The following FRAS1 variants were observed in gnomAD, a reference collection of about 807,000 sequenced individuals.
FRAS1 encodes the protein extracellular matrix organizing protein FRAS1.
In FRAS1, 290 loss-of-function variants were observed where a neutral mutation model predicts 435.2. The ratio of observed to expected loss-of-function variants is 0.67; its 90% CI spans 0.61 to 0.73. The LOEUF is 0.73. Ranked by LOEUF, FRAS1 falls within the 30% of genes least tolerant of loss-of-function variation. FRAS1 has a pLI of 0.00. For missense variants in FRAS1, 4,860 were observed against 5,001.5 expected (o/e 0.97, Z 0.85); for synonymous variants, 1,800 against 1,851.0 (o/e 0.97, Z 0.71).
At chr4:78,156,172 CT>C (rs1304045408) in intron 2 of FRAS1, among the ~76,000 whole-genome samples, 7 of 152,118 alleles carry the variant, frequency 4.6e-5, no homozygotes, top group Non-Finnish European at 7.4e-5. Context: ...GCAAGACTCT[CT>C]TTTTGTAAGG....
chr4:78,167,178 A>G (rs1215241805), intron 2 of FRAS1, among the ~76,000 whole-genome samples: 2 of 152,198 alleles, frequency 1.3e-5, no homozygotes, highest in Non-Finnish European at 2.9e-5. Flanking sequence ...TCTTTTCTGT[A>G]CACAGCCATT....
Position 78,508,956 on chromosome 4 carries a change from C to T in FRAS1, c.9730C>T (p.Pro3244Ser), listed in dbSNP as rs751844736. The change falls in exon 63 of 74, where the codon CCC (proline) becomes TCC (serine). Residue 3244 changes from proline to serine, a missense_variant. Transcript: ENST00000512123. The part of the protein sequence containing the change: ...APTDGNGARS[P>S]FETITDNTPF... Reference sequence around the variant, plus strand: ...CACTGATGGCAATGGGGCCCGGTCTCCCTTTGAAACCATCACTGACAACAC... The same window carrying T: ...CACTGATGGCAATGGGGCCCGGTCTTCCTTTGAAACCATCACTGACAACAC... The T allele has an allele frequency of 1.9e-6, 3 of 1,614,010 alleles. No homozygotes were observed. Among genetic ancestry groups the T allele is most frequent in the East Asian group, 2.2e-5 (1 of 44,882 alleles).
At chr4:78,282,082 T>C (rs1578226287) in intron 11 of FRAS1, among the ~76,000 whole-genome samples, 1 of 152,220 alleles carries the variant, frequency 6.6e-6, no homozygotes, top group East Asian at 1.9e-4. Flanking sequence ...AATAAGCGTT[T>C]TATAAAATTG....
At chr4:78,460,370 C>A (rs112620812) in intron 47 of FRAS1, among the ~76,000 whole-genome samples, 10 of 152,290 alleles carry the variant, frequency 6.6e-5, no homozygotes, top group Middle Eastern at 3.4e-3. Flanking sequence ...TTGAAAACAC[C>A]TTCAATGGGA....
intron 30 of FRAS1, among the ~76,000 whole-genome samples, chr4:78,405,387 G>A (rs1444735542): frequency 1.5e-5 from 2 of 132,226 alleles, no homozygotes; most frequent in African/African-American, 3.2e-5. Flanking sequence ...AGTTGAACCA[G>A]GGAGAGAAAG....
chr4:78,423,565 TATG>T (rs1276622772), intron 34 of FRAS1, among the ~76,000 whole-genome samples: 1 of 152,248 alleles, frequency 6.6e-6, no homozygotes, highest in African/African-American at 2.4e-5. Context: ...GGTGATTTCT[TATG>T]GTGAGTTGAA....
chr4:78,089,523 A>T (rs1175949880), intron 2 of FRAS1, among the ~76,000 whole-genome samples: 1 of 152,124 alleles, frequency 6.6e-6, no homozygotes, highest in Admixed American at 6.6e-5. Flanking sequence ...GTTACATGTG[A>T]ATCATTTATT....
In FRAS1 at chr4:78,245,328, A is replaced by G; in HGVS notation, c.309+3A>G. ...ATCATGAAAAGAAAATCCATGAGGT[A>G]AGTGTTTTCTGACTCACGGTTGATT... On this transcript the variant is annotated splice_donor_region_variant and intron_variant, in intron 4 of 73. Transcript: ENST00000512123. The G allele has an allele frequency of 6.3e-7, 1 of 1,585,104 alleles. No homozygotes were observed. Among genetic ancestry groups the G allele is most frequent in the Middle Eastern group, 1.7e-4 (1 of 6,022 alleles).
At position 78,453,036 on chromosome 4, in the gene FRAS1, A is replaced by G. The variant is rs527867422; in HGVS notation, c.6763+682A>G. ...TTCCAGAGATGGGAGGCACATTCAA[A>G]AAACAACAATTAGGTCAATTTAACT... On this transcript the variant is annotated intron_variant, in intron 47 of 73. Transcript: ENST00000512123. Among the ~76,000 whole-genome samples, 3 of 150,778 alleles carry G rather than the reference A, an allele frequency of 2.0e-5. No homozygotes were observed. The South Asian group carries it at 6.2e-4, about 31-fold the overall frequency.
At chr4:78,507,696 T>G (rs1232130688) in intron 62 of FRAS1, 88 bp downstream of exon 62, 29 of 1,307,434 alleles carry the variant, frequency 2.2e-5, no homozygotes, top group Non-Finnish European at 3.0e-5. Context: ...TTCTTTATTC[T>G]TCTAACCCAG....
At chr4:78,370,736 G>A (rs544391812) in intron 23 of FRAS1, among the ~76,000 whole-genome samples, 2 of 152,292 alleles carry the variant, frequency 1.3e-5, no homozygotes, top group African/African-American at 2.4e-5. Context: ...AAATTTATAA[G>A]GAGATAATGT....
chr4:78,254,754 GT>G (rs5859611), intron 5 of FRAS1, among the ~76,000 whole-genome samples: 46,272 of 151,930 alleles, frequency 0.3, 7,398 homozygotes, highest in East Asian at 0.38. Flanking sequence ...CTTTTTTGTT[GT>G]TTTTTTGTTT....
chr4:78,334,958 C>CA (rs1730113052), intron 19 of FRAS1, among the ~76,000 whole-genome samples: 1 of 151,954 alleles, frequency 6.6e-6, no homozygotes, highest in African/African-American at 2.4e-5. Flanking sequence ...GACAGGGTCT[C>CA]ACCTTGTTAT....
chr4:78,400,585 C>A, intron 29 of FRAS1, 149 bp from the exon 30 acceptor site: 1 of 667,462 alleles, frequency 1.5e-6, no homozygotes. Context: ...ACACATAATA[C>A]AAAGTCTATA....
At chr4:78,198,195 G>A (rs1342593889) in intron 2 of FRAS1, among the ~76,000 whole-genome samples, 1 of 152,144 alleles carries the variant, frequency 6.6e-6, no homozygotes, top group African/African-American at 2.4e-5. Flanking sequence ...CTGGCCAGTG[G>A]GCAAGGATGG....
chr4:78,065,172 G>GTA (rs898202440), intron 1 of FRAS1, among the ~76,000 whole-genome samples: 3 of 142,810 alleles, frequency 2.1e-5, no homozygotes, highest in Admixed American at 7.1e-5. Flanking sequence ...GGGTATATAT[G>GTA]TATATATATG....
chr4:78,141,271 G>A (rs976468815), intron 2 of FRAS1, among the ~76,000 whole-genome samples: 1 of 151,800 alleles, frequency 6.6e-6, no homozygotes, highest in African/African-American at 2.4e-5. Flanking sequence ...GTTCAACTTT[G>A]GCTTATTACT....
In FRAS1 at chr4:78,473,635, A is replaced by G. The variant is rs767601197; in HGVS notation, c.7682+38A>G. Reference sequence around the variant, plus strand: ...CTGTGCTTTCCTTCTTGAGAAATCAATCAGGCAAGCAGAGGGAGTCAGGAT... The same window carrying G: ...CTGTGCTTTCCTTCTTGAGAAATCAGTCAGGCAAGCAGAGGGAGTCAGGAT... On this transcript the variant is annotated intron_variant, in intron 53 of 73. Transcript: ENST00000512123. 4.6e-6 allele frequency: 7 copies of G among 1,522,230 alleles called. No individual in the cohort carries two copies. In the East Asian group the frequency reaches 9.3e-5, roughly 20 times the overall value. The allele number at this position is 1,522,230 out of a possible 1,614,324, so 94.3% of individuals were successfully genotyped here. A position where few individuals can be genotyped will look rare whatever the true frequency, so the allele number is the denominator to read the frequency against.
chr4:78,159,865 A>G (rs185850055), intron 2 of FRAS1, among the ~76,000 whole-genome samples: 4 of 152,336 alleles, frequency 2.6e-5, no homozygotes, highest in Admixed American at 1.3e-4. Context: ...TGGGTGACAG[A>G]GTGAGACTCC....
Sources: allele counts gnomAD v4.1 joint callset (sites outside exome capture counted in the v4.1 genomes callset), GRCh38; gene constraint gnomAD v4.1.1; transcripts MANE v1.5; gene names NCBI Gene and HGNC (gene_info 2026-07-23, HGNC 2026-07-21).